Variants in LARGE1 observed in about 807,000 individuals in gnomAD.
LARGE1 encodes the protein LARGE xylosyl- and glucuronyltransferase 1, also known as xylosyl- and glucuronyltransferase LARGE1.
Under a neutral mutation model 87.6 loss-of-function variants are expected in LARGE1, and 43 were observed. The observed-to-expected ratio is 0.49, with a 90% CI of 0.38 to 0.63. The LOEUF (loss-of-function observed/expected upper bound fraction) is 0.63. Among genes scored for constraint, LARGE1 ranks in the 30% least tolerant of loss-of-function variants. The probability of loss-of-function intolerance (pLI) is 0.00; values close to 1 mark genes in which losing one functional copy is unlikely to be tolerated. For synonymous variants in LARGE1, 434 were observed against 394.6 expected, an observed-to-expected ratio of 1.10 and a Z score of -1.18; for missense variants, 802 against 1,000.2, an observed-to-expected ratio of 0.80 and a Z score of 2.67.
intron 2 of LARGE1, among the ~76,000 whole-genome samples, chr22:33,654,927 G>A (rs989015352): frequency 5.3e-5 from 8 of 152,150 alleles, no homozygotes; most frequent in Non-Finnish European, 1.0e-4. Flanking sequence ...CTTGGCCCAC[G>A]TGTAACTCAT....
At chr22:33,342,634 C>T (rs758001817) in intron 9 of LARGE1, among the ~76,000 whole-genome samples, 16 of 152,292 alleles carry the variant, frequency 1.1e-4, no homozygotes, top group Admixed American at 4.6e-4. Flanking sequence ...CATGGTGAGT[C>T]TGTGCCAAGT....
intron 7 of LARGE1, among the ~76,000 whole-genome samples, chr22:33,399,455 T>C (rs1463549973): frequency 2.6e-5 from 4 of 152,232 alleles, no homozygotes; most frequent in Non-Finnish European, 5.9e-5. Flanking sequence ...TACGTGTGCA[T>C]GTGTCTTTAT....
At chr22:33,540,845 G>A (rs375212447) in intron 6 of LARGE1, among the ~76,000 whole-genome samples, 10 of 152,036 alleles carry the variant, frequency 6.6e-5, no homozygotes, top group Admixed American at 4.6e-4. Flanking sequence ...TTCCTATAAA[G>A]TATGGCAGAC....
rs58881103 is a variant in LARGE1, at chr22:33,743,607, G to C, written c.106+17764C>G. 2.5e-3 allele frequency among the ~76,000 whole-genome samples: 387 copies of C among 152,302 alleles called. 9 individuals carry two copies. Among genetic ancestry groups the C allele is most frequent in the Admixed American group, 0.02 (301 of 15,308 alleles). On this transcript the variant is annotated intron_variant, in intron 2 of 14. Coordinates refer to ENST00000397394, the MANE Select transcript of LARGE1 (RefSeq NM_133642.5). Reference sequence around the variant, plus strand: ...TAAAAGTATGTTGGCTACCCAGCCGGTGATCTGGCCTAAATTCCTGTCCAC... The same window carrying C: ...TAAAAGTATGTTGGCTACCCAGCCGCTGATCTGGCCTAAATTCCTGTCCAC...
intron 11 of LARGE1, among the ~76,000 whole-genome samples, chr22:33,266,910 A>G (rs1927978639): frequency 6.6e-6 from 1 of 151,728 alleles, no homozygotes; most frequent in African/African-American, 2.4e-5. Flanking sequence ...CAATTACTCA[A>G]TCTCACCAAG....
At chr22:33,529,414 C>T (rs1172900126) in intron 6 of LARGE1, among the ~76,000 whole-genome samples, 1 of 152,184 alleles carries the variant, frequency 6.6e-6, no homozygotes, top group Admixed American at 6.5e-5. Context: ...ACTGGGAATC[C>T]ATGCAAGAGC....
rs533186553 is a variant in LARGE1 at position 33,180,798 on chromosome 22, T to C, written c.1731-13966A>G. 1.2e-4 allele frequency among the ~76,000 whole-genome samples: 18 copies of C among 152,354 alleles called. No homozygotes were observed. The South Asian group carries it at 3.5e-3, about 30-fold the overall frequency. On this transcript the variant is annotated intron_variant, in intron 11 of 11. Coordinates refer to the LARGE1 transcript ENST00000608642. ...ACCTGGATAACTCTTGAAAACATTG[T>C]TCTAAATGAAAGAAGCCTATTACAA...
chr22:33,784,912 T>C (rs2085552819), intron 1 of LARGE1, among the ~76,000 whole-genome samples: 1 of 128,070 alleles, frequency 7.8e-6, no homozygotes, highest in Non-Finnish European at 1.5e-5. Context: ...ATATTATATG[T>C]GTGTGTATAT....
the LARGE1 span, among the ~76,000 whole-genome samples, chr22:33,148,561 A>G: frequency 6.6e-6 from 1 of 152,202 alleles, no homozygotes; most frequent in African/African-American, 2.4e-5. Flanking sequence ...TTGTTTGAAC[A>G]TAAATTTTTC....
chr22:33,831,749 TACAC>T (rs5845118), intron 1 of LARGE1, among the ~76,000 whole-genome samples: 36,775 of 146,588 alleles, frequency 0.25, 4,766 homozygotes, highest in Middle Eastern at 0.35. Flanking sequence ...CACATGCATG[TACAC>T]ACACACACAC....
chr22:33,763,624 G>A (rs1448496789), intron 1 of LARGE1, among the ~76,000 whole-genome samples: 1 of 152,116 alleles, frequency 6.6e-6, no homozygotes, highest in Non-Finnish European at 1.5e-5. Context: ...CCCAGATGCT[G>A]CACTTGACTG....
chr22:33,206,527 G>C (rs186032523), intron 11 of LARGE1, among the ~76,000 whole-genome samples: 3 of 152,106 alleles, frequency 2.0e-5, no homozygotes, highest in Admixed American at 2.0e-4. Flanking sequence ...GAAACTTTCA[G>C]TCACAAGTCG....
intron 4 of LARGE1, among the ~76,000 whole-genome samples, chr22:33,605,370 T>C (rs1165284885): frequency 6.6e-6 from 1 of 152,074 alleles, no homozygotes; most frequent in Non-Finnish European, 1.5e-5. Context: ...CCAAGGAGCA[T>C]TACGCAAGGG....
intron 1 of LARGE1, among the ~76,000 whole-genome samples, chr22:33,918,915 A>C (rs1601917209): frequency 1.1e-4 from 7 of 62,254 alleles, no homozygotes; most frequent in Non-Finnish European, 1.6e-4. Flanking sequence ...ATCTCCCCCC[A>C]CTCCCTCCTC....
chr22:33,350,831 G>A (rs770681897), intron 9 of LARGE1, among the ~76,000 whole-genome samples: 9 of 152,142 alleles, frequency 5.9e-5, no homozygotes, highest in Admixed American at 5.2e-4. Context: ...GCCCAGACAC[G>A]GACTCCAGCT....
intron 2 of LARGE1, among the ~76,000 whole-genome samples, chr22:33,751,112 T>A (rs1419198518): frequency 6.6e-6 from 1 of 152,050 alleles, no homozygotes; most frequent in East Asian, 1.9e-4. Context: ...TTCAGAAAAA[T>A]GAACAAGTCC....
downstream of LARGE1, among the ~76,000 whole-genome samples, chr22:33,159,347 C>T (rs777045704): frequency 8.5e-5 from 13 of 152,152 alleles, no homozygotes; most frequent in Non-Finnish European, 1.5e-4. Flanking sequence ...AATATCTGTA[C>T]ACTTTTCATT....
chr22:33,440,685 C>T (rs1209868642), intron 6 of LARGE1, among the ~76,000 whole-genome samples: 1 of 152,214 alleles, frequency 6.6e-6, no homozygotes, highest in Non-Finnish European at 1.5e-5. Context: ...AGAGCTGCTA[C>T]ACAGCCCCAG....
chr22:33,551,875 T>C (rs8135817), intron 6 of LARGE1, among the ~76,000 whole-genome samples: 21,603 of 151,380 alleles, frequency 0.14, 2,544 homozygotes, highest in African/African-American at 0.33. Flanking sequence ...GCGCCTGTAG[T>C]CCCAGCTACT....
Sources: allele counts gnomAD v4.1 joint callset (sites outside exome capture counted in the v4.1 genomes callset), GRCh38; gene constraint gnomAD v4.1.1; transcripts MANE v1.5; gene names NCBI Gene and HGNC (gene_info 2026-07-23, HGNC 2026-07-21).